NT5DC1: variants seen among roughly 807,000 people sequenced by gnomAD.
NT5DC1 encodes the protein 5'-nucleotidase domain-containing protein 1.
NT5DC1 carries 42 observed loss-of-function variants against 59.4 expected under a neutral mutation model. The ratio of observed to expected loss-of-function variants is 0.71; its 90% CI spans 0.55 to 0.92. The LOEUF (loss-of-function observed/expected upper bound fraction) is 0.92, where lower values mean the gene tolerates loss of function less well. Ranked by LOEUF, NT5DC1 falls within the 40% of genes least tolerant of loss-of-function variation. NT5DC1 has a pLI of 0.00. For synonymous variants in NT5DC1, 172 were observed against 188.1 expected (o/e 0.91, Z 0.70); for missense variants, 501 against 537.1 (o/e 0.93, Z 0.66).
intron 6 of NT5DC1, chr6:116,137,497 G>A (rs1449404854): frequency 5.0e-6 from 1 of 198,694 alleles, no homozygotes; most frequent in East Asian, 1.2e-4. Context: ...CTCTCAGCTG[G>A]CAGCTAGAGA....
chr6:116,227,744 T>C (rs1429536262), intron 8 of NT5DC1, among the ~76,000 whole-genome samples: 1 of 152,256 alleles, frequency 6.6e-6, no homozygotes, highest in Non-Finnish European at 1.5e-5. Flanking sequence ...GTATAACTGC[T>C]AGACATTTGT....
chr6:116,121,578 C>G, intron 6 of NT5DC1: 1 of 1,614,118 alleles, frequency 6.2e-7, no homozygotes, highest in Non-Finnish European at 8.5e-7. Context: ...CCAGGGACTC[C>G]TGGTGCACCC....
rs199761751 is a variant in NT5DC1 at position 116,121,904 on chromosome 6, C to T, written c.529+3959C>T. On this transcript the variant is annotated intron_variant, in intron 6 of 11. Transcript: ENST00000319550. ...TGGTCCAGAAGGACCTGGGTGCCCT[C>T]GAGGTCCAGCAGGGCCTGGTGGACC... The T allele has an allele frequency of 3.1e-5, 50 of 1,613,688 alleles. No homozygotes were observed. The highest frequency in any genetic ancestry group is 3.5e-5 in the Non-Finnish European group (41 of 1,179,988).
At chr6:116,233,826 TAA>T (rs1782061787) in intron 8 of NT5DC1, among the ~76,000 whole-genome samples, 1 of 152,206 alleles carries the variant, frequency 6.6e-6, no homozygotes, top group South Asian at 2.1e-4. Context: ...TTATCTGTAT[TAA>T]TTTATTTACA....
intron 6 of NT5DC1, among the ~76,000 whole-genome samples, chr6:116,165,294 G>T (rs1023293403): frequency 6.6e-6 from 1 of 152,020 alleles, no homozygotes; most frequent in East Asian, 1.9e-4. Flanking sequence ...ACCTTGGATA[G>T]TCTGATAACT....
intron 6 of NT5DC1, among the ~76,000 whole-genome samples, chr6:116,210,627 G>GTC (rs1294530911): frequency 6.6e-6 from 1 of 151,854 alleles, no homozygotes; most frequent in East Asian, 1.9e-4. Context: ...AGTTATAAAG[G>GTC]TCTTGGAACT....
At chr6:116,212,865 T>C (rs1402651831) in intron 6 of NT5DC1, among the ~76,000 whole-genome samples, 1 of 152,164 alleles carries the variant, frequency 6.6e-6, no homozygotes, top group African/African-American at 2.4e-5. Context: ...TTGGATTTCT[T>C]TAAACTGTTT....
At chr6:116,161,102 A>G (rs1283782691) in intron 6 of NT5DC1, among the ~76,000 whole-genome samples, 1 of 150,900 alleles carries the variant, frequency 6.6e-6, no homozygotes, top group East Asian at 2.0e-4. Flanking sequence ...CAAAAAACCA[A>G]ACACCGCATG....
chr6:116,208,593 GATCATGTC>G (rs1245834858), intron 6 of NT5DC1, among the ~76,000 whole-genome samples: 2 of 151,950 alleles, frequency 1.3e-5, no homozygotes, highest in African/African-American at 2.4e-5. Context: ...AGTTCTTTCT[GATCATGTC>G]ATCATGTCAT....
intron 6 of NT5DC1, among the ~76,000 whole-genome samples, chr6:116,166,488 A>G (rs947009919): frequency 6.6e-6 from 1 of 152,218 alleles, no homozygotes; most frequent in Non-Finnish European, 1.5e-5. Flanking sequence ...GGTATTGGGA[A>G]TAGTGGATAT....
intron 6 of NT5DC1, among the ~76,000 whole-genome samples, chr6:116,186,005 T>G (rs1780988078): frequency 6.6e-6 from 1 of 152,084 alleles, no homozygotes; most frequent in African/African-American, 2.4e-5. Context: ...TTTGGTGTAT[T>G]TCAAGGATTT....
intron 3 of NT5DC1, 46 bp downstream of exon 3, chr6:116,108,481 C>T (rs375828086): frequency 3.2e-5 from 33 of 1,046,806 alleles, no homozygotes; most frequent in Non-Finnish European, 4.7e-5. Context: ...TTCTCTGAGA[C>T]ACTTTATTAC....
At chr6:116,226,341 C>A (rs1271273999) in intron 8 of NT5DC1, among the ~76,000 whole-genome samples, 1 of 151,840 alleles carries the variant, frequency 6.6e-6, no homozygotes, top group Non-Finnish European at 1.5e-5. Flanking sequence ...TTATGCCATT[C>A]CATAAGATTT....
chr6:116,139,951 T>C (rs1205282824), intron 6 of NT5DC1, among the ~76,000 whole-genome samples: 2 of 152,162 alleles, frequency 1.3e-5, no homozygotes, highest in Non-Finnish European at 2.9e-5. Flanking sequence ...TTGTGTTTAT[T>C]GAGAGTCTTC....
intron 6 of NT5DC1, among the ~76,000 whole-genome samples, chr6:116,138,290 G>A (rs2114355474): frequency 6.6e-6 from 1 of 152,228 alleles, no homozygotes; most frequent in South Asian, 2.1e-4. Context: ...ATGGTAAAGC[G>A]ACTGTTTTCT....
In NT5DC1 at chr6:116,121,622, C is replaced by T. The variant is rs1321584294; in HGVS notation, c.529+3677C>T. The T allele has an allele frequency of 6.2e-7, 1 of 1,613,964 alleles. No individual in the cohort carries two copies. On this transcript the variant is annotated intron_variant, in intron 6 of 11. Transcript: ENST00000319550. Reference sequence around the variant, plus strand: ...AGGAAAGCCCCTGGGTCCTGGGGCTCCTGTGGGTCCCTGTTGTCCAGGTTT... The same window carrying T: ...AGGAAAGCCCCTGGGTCCTGGGGCTTCTGTGGGTCCCTGTTGTCCAGGTTT...
intron 6 of NT5DC1, among the ~76,000 whole-genome samples, chr6:116,161,094 A>G (rs1780317368): frequency 6.6e-6 from 1 of 151,418 alleles, no homozygotes; most frequent in Non-Finnish European, 1.5e-5. Context: ...CGTAAGAACA[A>G]AAAACCAAAC....
intron 6 of NT5DC1, among the ~76,000 whole-genome samples, chr6:116,200,466 T>C (rs751340068): frequency 5.3e-5 from 8 of 152,048 alleles, no homozygotes; most frequent in Non-Finnish European, 1.2e-4. Flanking sequence ...TTGAAAGATA[T>C]TGATAGGGAA....
intron 1 of NT5DC1, among the ~76,000 whole-genome samples, chr6:116,104,494 C>T (rs572569782): frequency 6.6e-6 from 1 of 152,162 alleles, no homozygotes; most frequent in Non-Finnish European, 1.5e-5. Context: ...CTTGTGAAAG[C>T]CAATTGTTAA....
Sources: gnomAD v4.1 joint callset for allele counts (sites outside exome capture counted in the v4.1 genomes callset) on GRCh38, gnomAD v4.1.1 for gene constraint, MANE v1.5 for transcripts, NCBI Gene and HGNC (gene_info 2026-07-23, HGNC 2026-07-21) for gene names.